The following JPT1 variants were observed in gnomAD, a reference collection of about 807,000 sequenced individuals.
The protein encoded by JPT1 is androgen-regulated protein 2.
Under a neutral mutation model 17.0 loss-of-function variants are expected in JPT1, and 5 were observed. The observed-to-expected ratio is 0.29, with a 90% CI of 0.15 to 0.62. The LOEUF (loss-of-function observed/expected upper bound fraction) is 0.62. Ranked by LOEUF, JPT1 falls within the 20% of genes least tolerant of loss-of-function variation. The pLI, the probability that JPT1 is intolerant of heterozygous loss-of-function variation, is 0.85. For synonymous variants in JPT1, 71 were observed against 73.6 expected, an observed-to-expected ratio of 0.96 and a Z score of 0.18; for missense variants, 158 against 188.1, an observed-to-expected ratio of 0.84 and a Z score of 0.94.
chr17:75,150,935 G>C (rs2074540550), intron 1 of JPT1, among the ~76,000 whole-genome samples: 1 of 139,922 alleles, frequency 7.1e-6, no homozygotes, highest in South Asian at 2.3e-4. Flanking sequence ...CTCACTGCAA[G>C]CTCCGCCTCC....
At chr17:75,145,919 TAA>T (rs2074420876) in intron 4 of JPT1, 1 of 151,568 alleles carries the variant, frequency 6.6e-6, no homozygotes, top group Non-Finnish European at 1.5e-5. Flanking sequence ...CTACTAAAAA[TAA>T]AAACAAATTA....
At chr17:75,146,546 T>G in intron 4 of JPT1, 120 bp downstream of exon 4, 1 of 692,452 alleles carries the variant, frequency 1.4e-6, no homozygotes, top group Non-Finnish European at 2.5e-6. Context: ...ATGGCGGCAC[T>G]TGGGGCATGG....
rs141510784 is a variant in JPT1 at position 75,147,605 on chromosome 17, T to C, written c.248A>G (p.Gln83Arg). 2 of 1,614,154 alleles carry C rather than the reference T, an allele frequency of 1.2e-6. No individual in the cohort carries two copies. Among genetic ancestry groups the C allele is most frequent in the African/African-American group, 2.7e-5 (2 of 75,058 alleles). The change falls in exon 3 of 5, where the codon CAG (glutamine) becomes CGG (arginine). Residue 83 changes from glutamine (Q) to arginine (R), a missense_variant. Physicochemically the swap from Gln to Arg is conservative, Grantham distance 43. Transcript: ENST00000409753. ...GCTTGCTTCAGAGGAGTTCCTTCTCTGCAGTCCAGATGACTCCAAGTCTTC... is the reference window on the plus strand; with the variant it reads ...GCTTGCTTCAGAGGAGTTCCTTCTCCGCAGTCCAGATGACTCCAAGTCTTC... ...GREDLESSGLQRRNSSEASSG... is the reference protein window; with the variant it reads ...GREDLESSGLRRRNSSEASSG...
intron 4 of JPT1, among the ~76,000 whole-genome samples, chr17:75,136,910 C>G (rs898360088): frequency 2.6e-5 from 4 of 152,204 alleles, no homozygotes; most frequent in African/African-American, 9.7e-5. Context: ...GTGCAGCCTT[C>G]TAGTCCACTT....
intron 1 of JPT1, among the ~76,000 whole-genome samples, chr17:75,151,969 C>CAA (rs534793986): frequency 4.2e-4 from 49 of 116,944 alleles, no homozygotes; most frequent in South Asian, 7.9e-4. Flanking sequence ...AACTGCGTCT[C>CAA]AAAAAAAAAA....
intron 1 of JPT1, among the ~76,000 whole-genome samples, chr17:75,151,266 G>GCCCT (rs1381385029): frequency 3.3e-5 from 5 of 152,120 alleles, no homozygotes; most frequent in Non-Finnish European, 5.9e-5. Flanking sequence ...CCTGTAGGAG[G>GCCCT]CGGAGCCTAC....
chr17:75,144,898 T>TA (rs1334757827), intron 4 of JPT1, among the ~76,000 whole-genome samples: 4 of 151,912 alleles, frequency 2.6e-5, no homozygotes, highest in Non-Finnish European at 5.9e-5. Context: ...AAAACACGTT[T>TA]GAGTGTTTTC....
At chr17:75,142,874 G>C in intron 4 of JPT1, 1 of 411,258 alleles carries the variant, frequency 2.4e-6, no homozygotes, top group South Asian at 1.6e-5. Flanking sequence ...ATATACATAC[G>C]TATATGAAAA....
At chr17:75,150,647 C>T (rs1027828218) in intron 1 of JPT1, among the ~76,000 whole-genome samples, 1 of 152,158 alleles carries the variant, frequency 6.6e-6, no homozygotes, top group Non-Finnish European at 1.5e-5. Flanking sequence ...CTCAGCCTCC[C>T]AAAGTGCTGG....
chr17:75,154,322 G>A lies in JPT1; in HGVS notation c.56+20C>T, dbSNP rs1568039548. On this transcript the variant is annotated intron_variant, in intron 1 of 4. Coordinates refer to ENST00000409753, the MANE Select transcript of JPT1 (RefSeq NM_016185.4). ...AGCCCCTCAGCCCCGCGCGGCTCGGGCGCGACCCGGTCGCCTCACCGGGAG... is the reference window on the plus strand; with the variant it reads ...AGCCCCTCAGCCCCGCGCGGCTCGGACGCGACCCGGTCGCCTCACCGGGAG... 1.3e-6 allele frequency: 2 copies of A among 1,539,276 alleles called. No individual in the cohort carries two copies. Among genetic ancestry groups the A allele is most frequent in the Admixed American group, 2.0e-5 (1 of 50,594 alleles).
chr17:75,140,571 T>C (rs763320628), intron 4 of JPT1, among the ~76,000 whole-genome samples: 19 of 152,190 alleles, frequency 1.2e-4, no homozygotes, highest in Non-Finnish European at 1.6e-4. Context: ...CTGCGTTTAA[T>C]TGCCCAAGAG....
intron 4 of JPT1, 191 bp downstream of exon 4, chr17:75,146,475 T>G (rs2074437007): frequency 2.0e-6 from 1 of 511,988 alleles, no homozygotes; most frequent in Non-Finnish European, 3.5e-6. Context: ...TTTAAAGGAT[T>G]CTCTGTTTTT....
At chr17:75,138,280 A>G (rs2074245956) in intron 4 of JPT1, 1 of 152,130 alleles carries the variant, frequency 6.6e-6, no homozygotes, top group Non-Finnish European at 1.5e-5. Context: ...TCTTTTTAAT[A>G]GCAAGTTTAT....
At position 75,154,421 on chromosome 17, in the gene JPT1, G is replaced by T; in HGVS notation, c.-24C>A. On this transcript the variant is annotated 5_prime_UTR_variant, in exon 1 of 5. Transcript: ENST00000409753. The stretch of plus-strand genomic sequence containing the variant: ...ATGGCGCCGAGGAGCGAGGTAGGCT[G>T]GCGCCGGAGCAGAACGCTCAAAGGG... 2 of 1,547,034 alleles carry T rather than the reference G, an allele frequency of 1.3e-6. No homozygotes were observed. Among genetic ancestry groups the T allele is most frequent in the Non-Finnish European group, 1.7e-6 (2 of 1,145,310 alleles).
intron 4 of JPT1, chr17:75,142,675 CGGGAAGGGATGAGAA>C (rs1449231165): frequency 2.0e-4 from 60 of 299,610 alleles, no homozygotes; most frequent in Non-Finnish European, 3.4e-4. Flanking sequence ...AGGAAGGGAA[CGGGAAGGGATGAGAA>C]GGGAGGGGAG....
chr17:75,147,537 C>A lies in JPT1; in HGVS notation c.297+19G>T. 1 of 1,567,650 alleles carries A rather than the reference C, an allele frequency of 6.4e-7. No homozygotes were observed. Among genetic ancestry groups the A allele is most frequent in the South Asian group, 1.1e-5 (1 of 90,102 alleles). On this transcript the variant is annotated intron_variant, in intron 3 of 4. Transcript: ENST00000409753. ...ATATTGACCTGAAAGCCTTTCTGGC[C>A]TCATGCTGTCACACTGACCTTCAGA... is the stretch of plus-strand genomic sequence containing the variant.
chr17:75,148,258 G>C (rs1051010169), intron 2 of JPT1, among the ~76,000 whole-genome samples: 4 of 152,052 alleles, frequency 2.6e-5, no homozygotes, highest in African/African-American at 9.7e-5. Flanking sequence ...TCTTTTGTTT[G>C]TTTTTGACAC....
intron 1 of JPT1, among the ~76,000 whole-genome samples, chr17:75,149,886 T>TACAC (rs1568036664): frequency 1.6e-4 from 21 of 128,748 alleles, no homozygotes; most frequent in African/African-American, 6.1e-4. Flanking sequence ...CACACACACT[T>TACAC]AAGTCAGCTT....
rs2074190477 is a variant in JPT1, at chr17:75,136,153, C to T, written c.414G>A (p.Val138=). 4 of 1,614,198 alleles carry T rather than the reference C, an allele frequency of 2.5e-6. No homozygotes were observed. Among genetic ancestry groups the T allele is most frequent in the Non-Finnish European group, 3.4e-6 (4 of 1,180,036 alleles). The change falls in exon 5 of 5, where the codon GTG becomes GTA. Residue 138 remains valine (V), a synonymous_variant. Coordinates refer to ENST00000409753, the MANE Select transcript of JPT1 (RefSeq NM_016185.4). ...PVPSPVAPAP[V]PSRRNPPGGK... ...CGCCAGGGGGATTTCTTCTGGATGG[C>T]ACTGGGGCCGGGGCCACCGGGCTGG...
Sources: gnomAD v4.1 joint callset for allele counts (sites outside exome capture counted in the v4.1 genomes callset) on GRCh38, gnomAD v4.1.1 for gene constraint, MANE v1.5 for transcripts, NCBI Gene and HGNC (gene_info 2026-07-23, HGNC 2026-07-21) for gene names.